The following HMCN1 variants were observed in gnomAD, a reference collection of about 807,000 sequenced individuals.
HMCN1 encodes hemicentin-1.
A neutral mutation model predicts 625.9 loss-of-function variants in HMCN1; 321 were observed. That is an observed-to-expected ratio of 0.51 (90% CI 0.47 to 0.56). HMCN1 has a LOEUF of 0.56. Ranked by LOEUF, HMCN1 falls within the 20% of genes least tolerant of loss-of-function variation. The probability of loss-of-function intolerance (pLI) is 0.00; values close to 1 mark genes in which losing one functional copy is unlikely to be tolerated. For synonymous variants in HMCN1, 2,425 were observed against 2,417.6 expected (o/e 1.00, Z -0.09); for missense variants, 6,588 against 6,887.3 (o/e 0.96, Z 1.54).
At chr1:185,876,385 C>G (rs998765959) in intron 4 of HMCN1, among the ~76,000 whole-genome samples, 1 of 151,922 alleles carries the variant, frequency 6.6e-6, no homozygotes, top group African/African-American at 2.4e-5. Context: ...TTGCAGGTGT[C>G]TTTTTTGGGT....
At position 185,922,437 on chromosome 1, in the gene HMCN1, G is replaced by A. The variant is rs140296295; in HGVS notation, c.959G>A (p.Arg320Gln). The change falls in exon 7 of 107, where the codon CGA becomes CAA. Residue 320 changes from arginine (R) to glutamine (Q), a missense_variant. Arg to Gln is a conservative substitution (Grantham distance 43, BLOSUM62 1). Transcript: ENST00000271588. Reference sequence around the variant, plus strand: ...ACTGGCCTCAGTACTATTGATTTCCGAGCTGGCTTTTCTCGAAAGCCCACC... The same window carrying A: ...ACTGGCCTCAGTACTATTGATTTCCAAGCTGGCTTTTCTCGAAAGCCCACC... ...RITGLSTIDF[R>Q]AGFSRKPTLD... is the part of the protein sequence containing the mutation. 650 of 1,613,558 alleles carry A rather than the reference G, an allele frequency of 4.0e-4. 1 individual carries two copies. Among genetic ancestry groups the A allele is most frequent in the Admixed American group, 6.0e-4 (36 of 59,962 alleles).
intron 1 of HMCN1, among the ~76,000 whole-genome samples, chr1:185,796,716 A>G (rs1374658366): frequency 1.3e-5 from 2 of 152,196 alleles, no homozygotes; most frequent in Non-Finnish European, 2.9e-5. Context: ...ACATATATAC[A>G]CACACTGCAT....
chr1:185,785,434 T>C (rs953218392), intron 1 of HMCN1, among the ~76,000 whole-genome samples: 4 of 152,232 alleles, frequency 2.6e-5, no homozygotes, highest in Non-Finnish European at 5.9e-5. Context: ...GATTGCTATA[T>C]TTTTCTTGGT....
At chr1:185,866,987 T>C (rs1558026403) in intron 4 of HMCN1, among the ~76,000 whole-genome samples, 1 of 152,158 alleles carries the variant, frequency 6.6e-6, no homozygotes, top group African/African-American at 2.4e-5. Flanking sequence ...ACAAGTTCTA[T>C]TAATTTCATG....
At chr1:185,924,910 C>G (rs1454619552) in intron 8 of HMCN1, 137 bp from the exon 9 acceptor site, 7 of 814,882 alleles carry the variant, frequency 8.6e-6, no homozygotes, top group Admixed American at 4.3e-5. Flanking sequence ...TTTTAGTGAT[C>G]TGGGTTAATT....
chr1:185,838,548 G>A lies in HMCN1; in HGVS notation c.269-7478G>A, dbSNP rs12091126. Among the ~76,000 whole-genome samples, 361 of 152,314 alleles carry A rather than the reference G, an allele frequency of 2.4e-3. 1 individual carries two copies. Among genetic ancestry groups the A allele is most frequent in the African/African-American group, 8.3e-3 (344 of 41,570 alleles). Reference sequence around the variant, plus strand: ...GAGTTGGGCCTGGGCATCTAGGAGTGGGAGAGCAGGTAGCAGAGAATCTTG... The same window carrying A: ...GAGTTGGGCCTGGGCATCTAGGAGTAGGAGAGCAGGTAGCAGAGAATCTTG... On this transcript the variant is annotated intron_variant, in intron 1 of 106. Transcript: ENST00000271588.
At chr1:185,983,102 A>G (rs1013856873) in intron 18 of HMCN1, among the ~76,000 whole-genome samples, 1 of 152,110 alleles carries the variant, frequency 6.6e-6, no homozygotes, top group Non-Finnish European at 1.5e-5. Context: ...ATTATTATTA[A>G]CTTTAAACAT....
chr1:185,813,315 C>A (rs1005855823), intron 1 of HMCN1, among the ~76,000 whole-genome samples: 1 of 152,080 alleles, frequency 6.6e-6, no homozygotes, highest in Admixed American at 6.6e-5. Context: ...AATTATATTG[C>A]CATTCCTTAA....
rs948100796 is a variant in HMCN1, at chr1:186,094,313, A to G, written c.10234A>G (p.Thr3412Ala). ...TCAGGTGTCTGATGTCGCTGTGTAT[A>G]CTTGTGTGGCCTCCAACAGAGCTGG... The part of the protein sequence containing the change: ...RAQVSDVAVY[T>A]CVASNRAGVD... The change falls in exon 67 of 107, where the codon ACT (threonine) becomes GCT (alanine). Residue 3412 changes from threonine to alanine, a missense_variant. Around this residue, in one of 3 missense-constraint regions of HMCN1, gnomAD observed 4,628 missense variants for 4,853.1 expected, o/e 0.95. Coordinates refer to ENST00000271588, the MANE Select transcript of HMCN1 (RefSeq NM_031935.3). 7 of 1,613,296 alleles carry G rather than the reference A, an allele frequency of 4.3e-6. No individual in the cohort carries two copies. The highest frequency in any genetic ancestry group is 1.7e-5 in the Admixed American group (1 of 59,860).
At chr1:185,737,110 A>G (rs1239662251) in intron 1 of HMCN1, among the ~76,000 whole-genome samples, 1 of 151,676 alleles carries the variant, frequency 6.6e-6, no homozygotes, top group Non-Finnish European at 1.5e-5. Context: ...GTGTGTGTGT[A>G]TAATCATTAA....
chr1:186,163,404 GCTGCACCCACTGAC>G (rs956537754), intron 97 of HMCN1, among the ~76,000 whole-genome samples: 6 of 151,962 alleles, frequency 3.9e-5, no homozygotes, highest in African/African-American at 1.4e-4. Flanking sequence ...CGCACGGTGC[GCTGCACCCACTGAC>G]CTGCACCCAC....
At chr1:185,877,949 CT>C (rs1305303791) in intron 4 of HMCN1, among the ~76,000 whole-genome samples, 2 of 151,984 alleles carry the variant, frequency 1.3e-5, no homozygotes, top group African/African-American at 2.4e-5. Context: ...CCCATTGGTT[CT>C]CATTATTTAG....
At chr1:186,077,085 G>GAA (rs1658868820) in intron 54 of HMCN1, among the ~76,000 whole-genome samples, 4 of 152,218 alleles carry the variant, frequency 2.6e-5, no homozygotes, top group Non-Finnish European at 5.9e-5. Flanking sequence ...AACTGTTATG[G>GAA]AATAATATTT....
At chr1:185,755,213 C>A (rs564314034) in intron 1 of HMCN1, among the ~76,000 whole-genome samples, 1 of 152,138 alleles carries the variant, frequency 6.6e-6, no homozygotes, top group Non-Finnish European at 1.5e-5. Context: ...TTTGGTCCAT[C>A]TTTTATTCTC....
intron 15 of HMCN1, 92 bp from the exon 16 acceptor site, chr1:185,977,695 T>A (rs747428231): frequency 2.0e-4 from 171 of 850,892 alleles, no homozygotes; most frequent in Non-Finnish European, 3.0e-4. Context: ...ATAATTCAAA[T>A]TCAATGATTT....
At chr1:185,745,541 A>T (rs575563789) in intron 1 of HMCN1, among the ~76,000 whole-genome samples, 1 of 152,330 alleles carries the variant, frequency 6.6e-6, no homozygotes, top group Non-Finnish European at 1.5e-5. Context: ...AATCAGGTTC[A>T]CCAGGCAGTT....
chr1:185,973,173 CT>C (rs1294684233), intron 15 of HMCN1, among the ~76,000 whole-genome samples: 1 of 152,204 alleles, frequency 6.6e-6, no homozygotes, highest in East Asian at 1.9e-4. Flanking sequence ...AGACATCATC[CT>C]AACGTACACC....
intron 69 of HMCN1, among the ~76,000 whole-genome samples, chr1:186,106,620 A>G (rs560864669): frequency 6.6e-6 from 1 of 152,332 alleles, no homozygotes; most frequent in Non-Finnish European, 1.5e-5. Flanking sequence ...TCCTATATAT[A>G]TCTGCCTTTT....
intron 89 of HMCN1, among the ~76,000 whole-genome samples, chr1:186,141,961 C>T (rs1649990450): frequency 6.6e-6 from 1 of 152,178 alleles, no homozygotes; most frequent in Admixed American, 6.6e-5. Flanking sequence ...TAATATTTTG[C>T]ATGTTTCTTA....
Sources: gnomAD v4.1 joint callset for allele counts (sites outside exome capture counted in the v4.1 genomes callset) on GRCh38, gnomAD v4.1.1 for gene constraint, gnomAD v4.1.1 regional missense constraint, MANE v1.5 for transcripts, NCBI Gene and HGNC (gene_info 2026-07-23, HGNC 2026-07-21) for gene names.